CMIP: variants seen among roughly 807,000 people sequenced by gnomAD.
CMIP encodes the protein c-Maf inducing protein, also known as C-Maf-inducing protein.
CMIP carries 13 observed loss-of-function variants against 97.3 expected under a neutral mutation model. The observed-to-expected ratio is 0.13, with a 90% CI of 0.09 to 0.21. The LOEUF (loss-of-function observed/expected upper bound fraction) is 0.21, where lower values mean the gene tolerates loss of function less well. CMIP is among the 10% of genes least tolerant of loss of function. The probability of loss-of-function intolerance (pLI) is 1.00; values close to 1 mark genes in which losing one functional copy is unlikely to be tolerated. For synonymous variants in CMIP, 538 were observed against 436.3 expected (o/e 1.23, Z -2.91); for missense variants, 847 against 1,024.9 (o/e 0.83, Z 2.37).
intron 1 of CMIP, among the ~76,000 whole-genome samples, chr16:81,560,344 C>A (rs13334258): frequency 4.6e-5 from 7 of 150,772 alleles, no homozygotes; most frequent in East Asian, 2.0e-4. Context: ...TCAGCCTCCC[C>A]AGTAGCTGGG....
intron 3 of CMIP, among the ~76,000 whole-genome samples, chr16:81,637,903 G>T (rs572297754): frequency 1.3e-5 from 2 of 152,216 alleles, no homozygotes; most frequent in South Asian, 2.1e-4. Flanking sequence ...GTGCCTTCTC[G>T]CTGTGTCTCA....
chr16:81,658,577 T>C (rs981852164), intron 5 of CMIP, among the ~76,000 whole-genome samples: 11 of 152,236 alleles, frequency 7.2e-5, no homozygotes, highest in African/African-American at 2.4e-4. Flanking sequence ...GAAGGATCAA[T>C]AGGAGTTTTC....
chr16:81,485,985 A>G (rs529362753), intron 1 of CMIP, among the ~76,000 whole-genome samples: 1 of 152,160 alleles, frequency 6.6e-6, no homozygotes, highest in Non-Finnish European at 1.5e-5. Context: ...CGATGATCCT[A>G]AGCTCCCAGA....
intron 5 of CMIP, among the ~76,000 whole-genome samples, chr16:81,659,108 C>A (rs993720439): frequency 1.3e-5 from 2 of 152,242 alleles, no homozygotes; most frequent in African/African-American, 4.8e-5. Context: ...CCTTCTCTTG[C>A]CAGAACAGGA....
intron 9 of CMIP, among the ~76,000 whole-genome samples, chr16:81,674,057 T>C (rs113379646): frequency 1.9e-4 from 29 of 152,328 alleles, no homozygotes; most frequent in African/African-American, 6.7e-4. Context: ...AGGGGCTGTT[T>C]TCTTGCAGCA....
At position 81,711,602 on chromosome 16, in the gene CMIP, A is replaced by T. The variant is rs536241205; in HGVS notation, c.*1803A>T. ...TAAAAATAAAAAAATAAATAAAAAT[A>T]AAAAAAATAAAAAAGGAAAAAAAAA... On this transcript the variant is annotated 3_prime_UTR_variant, in exon 21 of 21. Transcript: ENST00000537098. 3 of 67,306 alleles carry T rather than the reference A, an allele frequency of 4.5e-5. No homozygotes were observed. Among genetic ancestry groups the T allele is most frequent in the South Asian group, 6.7e-4 (1 of 1,496 alleles). 4.2% of individuals were successfully genotyped at this position (67,306 alleles called of 1,614,324 possible). A position where few individuals can be genotyped will look rare whatever the true frequency, so the allele number is the denominator to read the frequency against.
intron 1 of CMIP, among the ~76,000 whole-genome samples, chr16:81,477,152 C>T (rs1239117867): frequency 6.6e-6 from 1 of 151,988 alleles, no homozygotes; most frequent in African/African-American, 2.4e-5. Context: ...TTGGAAATGT[C>T]GGCCCTGAAC....
intron 1 of CMIP, among the ~76,000 whole-genome samples, chr16:81,556,654 A>G (rs2090770155): frequency 6.6e-6 from 1 of 152,198 alleles, no homozygotes; most frequent in South Asian, 2.1e-4. Context: ...GGAAGATGAG[A>G]AAGCTCTGGA....
chr16:81,619,238 C>T (rs532106567), intron 2 of CMIP: 2 of 152,266 alleles, frequency 1.3e-5, no homozygotes, highest in East Asian at 1.9e-4. Flanking sequence ...GGTGTGGATT[C>T]GTGCAGTCCA....
chr16:81,534,168 C>T (rs140996049), intron 1 of CMIP, among the ~76,000 whole-genome samples: 60 of 152,320 alleles, frequency 3.9e-4, no homozygotes, highest in African/African-American at 1.4e-3. Context: ...TTCAGGAATG[C>T]ACCCTTTTGA....
At chr16:81,504,766 T>C (rs1335452233) in intron 1 of CMIP, among the ~76,000 whole-genome samples, 1 of 151,854 alleles carries the variant, frequency 6.6e-6, no homozygotes, top group East Asian at 1.9e-4. Flanking sequence ...TCTGTGCCTA[T>C]CTGCAGAGCT....
At chr16:81,602,725 A>G (rs7205559) in intron 1 of CMIP, among the ~76,000 whole-genome samples, 2 of 152,082 alleles carry the variant, frequency 1.3e-5, no homozygotes, top group Non-Finnish European at 2.9e-5. Context: ...TCGTCTGCTT[A>G]TTGTTCTCTT....
At chr16:81,609,635 T>C (rs1387864425) in intron 2 of CMIP, among the ~76,000 whole-genome samples, 2 of 152,222 alleles carry the variant, frequency 1.3e-5, no homozygotes, top group South Asian at 2.1e-4. Flanking sequence ...GAGGAACTTA[T>C]TTGGCCTGGG....
In CMIP at chr16:81,671,951, T is replaced by C; in HGVS notation, c.930-15T>C. The C allele has an allele frequency of 6.7e-7, 1 of 1,493,006 alleles. No individual in the cohort carries two copies. The highest frequency in any genetic ancestry group is 9.2e-7 in the Non-Finnish European group (1 of 1,087,402). The allele number at this position is 1,493,006 out of a possible 1,614,324, so 92.5% of individuals were successfully genotyped here. A position where few individuals can be genotyped will look rare whatever the true frequency, so the allele number is the denominator to read the frequency against. ...TCCTGCAGGCTTCTCACCCCAGCCC[T>C]CTGCTTTTTTCCAGCATGCACGGCC... On this transcript the variant is annotated splice_polypyrimidine_tract_variant and intron_variant, in intron 8 of 20. Transcript: ENST00000537098.
chr16:81,523,786 G>C (rs988162434), intron 1 of CMIP, among the ~76,000 whole-genome samples: 3 of 152,242 alleles, frequency 2.0e-5, no homozygotes, highest in Non-Finnish European at 4.4e-5. Flanking sequence ...GGTGAGCTGA[G>C]TCACCACCAG....
In CMIP at chr16:81,530,587, C is replaced by T. The variant is rs2090214011; in HGVS notation, c.301-76980C>T. On this transcript the variant is annotated intron_variant, in intron 1 of 20. Coordinates refer to ENST00000537098, the MANE Select transcript of CMIP (RefSeq NM_198390.3). Reference sequence around the variant, plus strand: ...TCTTGCCTCTGCTCACAAAAGCCTGCGCCTTTATTCAGCTTTCCTCACCGC... The same window carrying T: ...TCTTGCCTCTGCTCACAAAAGCCTGTGCCTTTATTCAGCTTTCCTCACCGC... Among the ~76,000 whole-genome samples, 6 of 152,096 alleles carry T rather than the reference C, an allele frequency of 3.9e-5. 1 individual carries two copies. The highest frequency in any genetic ancestry group is 3.2e-3 in the Middle Eastern group (1 of 316).
At position 81,652,048 on chromosome 16, in the gene CMIP, C is replaced by T. The variant is rs1043504287; in HGVS notation, c.478-155C>T. On this transcript the variant is annotated intron_variant, in intron 3 of 20. Transcript: ENST00000537098. The surrounding 1 kb of genome is among the most constrained non-coding windows in gnomAD (Gnocchi z 5.2). ...ACTTTGGATGAGACCCTTCCTCTCT[C>T]GGGGTGTCAGTTTCCTTATAAACGG... 2.0e-5 allele frequency among the ~76,000 whole-genome samples: 3 copies of T among 152,084 alleles called. No individual in the cohort carries two copies. The highest frequency in any genetic ancestry group is 4.4e-5 in the Non-Finnish European group (3 of 68,016).
intron 3 of CMIP, chr16:81,645,426 C>G: frequency 1.3e-6 from 2 of 1,492,400 alleles, no homozygotes; most frequent in South Asian, 1.3e-5. Flanking sequence ...CTGCCTGGCG[C>G]GACGTGCTTC....
chr16:81,709,056 A>G (rs920757784), intron 20 of CMIP, among the ~76,000 whole-genome samples: 1 of 152,206 alleles, frequency 6.6e-6, no homozygotes, highest in Non-Finnish European at 1.5e-5. Context: ...CCAACTGTTC[A>G]TAAAGAAAAG....
Sources: gnomAD v4.1 joint callset for allele counts (sites outside exome capture counted in the v4.1 genomes callset) on GRCh38, gnomAD v4.1.1 for gene constraint, Gnocchi (gnomAD v3.1) non-coding constraint, MANE v1.5 for transcripts, NCBI Gene and HGNC (gene_info 2026-07-23, HGNC 2026-07-21) for gene names.